Variants in PRRC2B observed in about 807,000 individuals in gnomAD.
The protein encoded by PRRC2B is proline rich coiled-coil 2B, also known as protein PRRC2B.
A neutral mutation model predicts 242.3 loss-of-function variants in PRRC2B; 68 were observed. That is an observed-to-expected ratio of 0.28 (90% CI 0.23 to 0.34). The LOEUF is 0.34. Among genes scored for constraint, PRRC2B ranks in the 10% least tolerant of loss-of-function variants. The pLI is 1.00. For missense variants in PRRC2B, 2,835 were observed against 2,954.8 expected, an observed-to-expected ratio of 0.96 and a Z score of 0.94; for synonymous variants, 1,228 against 1,173.6, an observed-to-expected ratio of 1.05 and a Z score of -0.95.
At chr9:131,409,332 A>G (rs1837448254) in intron 1 of PRRC2B, among the ~76,000 whole-genome samples, 1 of 151,794 alleles carries the variant, frequency 6.6e-6, no homozygotes, top group African/African-American at 2.4e-5. Context: ...GGTGCCTGCC[A>G]CCACGCCTGG....
At chr9:131,437,310 G>T (rs1204698256) in intron 4 of PRRC2B, among the ~76,000 whole-genome samples, 1 of 152,164 alleles carries the variant, frequency 6.6e-6, no homozygotes, top group Non-Finnish European at 1.5e-5. Flanking sequence ...CTCAGAACAC[G>T]CTTTGGGAAA....
chr9:131,391,066 T>C (rs1836895334), upstream of PRRC2B, among the ~76,000 whole-genome samples: 1 of 152,132 alleles, frequency 6.6e-6, no homozygotes, highest in South Asian at 2.1e-4. Context: ...ATTACAGGCT[T>C]GAGCCACTGT....
At chr9:131,405,722 G>C (rs1006907976) in intron 1 of PRRC2B, among the ~76,000 whole-genome samples, 4 of 152,140 alleles carry the variant, frequency 2.6e-5, no homozygotes, top group Non-Finnish European at 4.4e-5. Flanking sequence ...TGGCTCCTGG[G>C]GGGGTTATTG....
chr9:131,399,300 CTG>C (rs1837158264), intron 1 of PRRC2B, among the ~76,000 whole-genome samples: 2 of 112,612 alleles, frequency 1.8e-5, no homozygotes, highest in Admixed American at 1.9e-4. Context: ...AAAAAAAAGT[CTG>C]GGCACGGTGG....
intron 25 of PRRC2B, chr9:131,485,788 G>A (rs1391351145): frequency 4.5e-6 from 3 of 671,660 alleles, no homozygotes; most frequent in Non-Finnish European, 8.4e-6. Context: ...GCCCCTTCGA[G>A]TGTCTGGGGT....
chr9:131,495,636 G>A, intron 31 of PRRC2B, 104 bp from the exon 32 acceptor site: 4 of 1,340,512 alleles, frequency 3.0e-6, no homozygotes, highest in Middle Eastern at 3.7e-4. Context: ...ACTTAGGGGA[G>A]CTTTCCCTGC....
In PRRC2B at chr9:131,483,422, C is replaced by T. The variant is rs1435388694; in HGVS notation, c.5437C>T (p.Leu1813Phe). Residue 1813 changes from leucine to phenylalanine, a missense_variant, in exon 23 of 32, where the codon CTT (leucine) becomes TTT (phenylalanine). Coordinates refer to ENST00000683519, the MANE Select transcript of PRRC2B (RefSeq NM_013318.4). Reference sequence around the variant, plus strand: ...TCCTACTGGGAGTCCAGTTGTTAAACTTCAGGATGCCTTGGCCAGTAATGT... The same window carrying T: ...TCCTACTGGGAGTCCAGTTGTTAAATTTCAGGATGCCTTGGCCAGTAATGT... The part of the protein sequence containing the change: ...SGPTGSPVVK[L>F]QDALASNAGL... 33 of 1,613,912 alleles carry T rather than the reference C, an allele frequency of 2.0e-5. No individual in the cohort carries two copies. The East Asian group carries it at 7.4e-4, about 36-fold the overall frequency.
At chr9:131,453,893 T>A (rs997278711) in intron 9 of PRRC2B, among the ~76,000 whole-genome samples, 2 of 152,226 alleles carry the variant, frequency 1.3e-5, no homozygotes, top group Non-Finnish European at 2.9e-5. Flanking sequence ...TCATATAACA[T>A]AAAATTTACC....
chr9:131,381,201 C>T (rs955791354), intron 1 of PRRC2B, among the ~76,000 whole-genome samples: 5 of 152,082 alleles, frequency 3.3e-5, no homozygotes, highest in Admixed American at 2.6e-4. Context: ...TATTCTCAAG[C>T]GGTTGAGCAG....
intron 4 of PRRC2B, among the ~76,000 whole-genome samples, chr9:131,438,346 T>G (rs2966345): frequency 0.97 from 147,214 of 152,108 alleles, 71,394 homozygotes; most frequent in Non-Finnish European, 1. Context: ...TGAGCCTCAG[T>G]GGGGGATGTG....
chr9:131,425,036 G>C (rs1344569618), intron 1 of PRRC2B, among the ~76,000 whole-genome samples: 3 of 151,938 alleles, frequency 2.0e-5, no homozygotes, highest in Non-Finnish European at 4.4e-5. Flanking sequence ...GCGCAATCTT[G>C]GCTCACTGCA....
At chr9:131,404,966 G>A (rs1837326401) in intron 1 of PRRC2B, among the ~76,000 whole-genome samples, 1 of 152,140 alleles carries the variant, frequency 6.6e-6, no homozygotes, top group African/African-American at 2.4e-5. Flanking sequence ...ATAGCTTTTT[G>A]GTAAGAATTC....
intron 11 of PRRC2B, among the ~76,000 whole-genome samples, chr9:131,463,936 A>G (rs1441830823): frequency 6.9e-6 from 1 of 145,562 alleles, no homozygotes; most frequent in Non-Finnish European, 1.5e-5. Context: ...CCTTTGCTAG[A>G]CATGCTTTTT....
At position 131,494,834 on chromosome 9, in the gene PRRC2B, G is replaced by A. The variant is rs770813266; in HGVS notation, c.6555+348G>A. Among the ~76,000 whole-genome samples the A allele has an allele frequency of 2.6e-5, 4 of 152,168 alleles. No homozygotes were observed. The highest frequency in any genetic ancestry group is 2.1e-4 in the South Asian group (1 of 4,822). On this transcript the variant is annotated intron_variant, in intron 31 of 31. Coordinates refer to ENST00000683519, the MANE Select transcript of PRRC2B (RefSeq NM_013318.4). This position sits in a 1 kb window ranked among gnomAD's most constrained non-coding sequence, Gnocchi z 4.3. Reference sequence around the variant, plus strand: ...GTCGGCTTTAGGAGCCGGGGTGCGCGCGCTGGTTCTAGTCAGTGGTGTGTC... The same window carrying A: ...GTCGGCTTTAGGAGCCGGGGTGCGCACGCTGGTTCTAGTCAGTGGTGTGTC...
intron 3 of PRRC2B, among the ~76,000 whole-genome samples, chr9:131,433,365 C>T (rs1564282604): frequency 6.6e-6 from 1 of 152,244 alleles, no homozygotes; most frequent in Non-Finnish European, 1.5e-5. Context: ...GGCTCACCTC[C>T]TGCCAGCACA....
intron 25 of PRRC2B, 97 bp downstream of exon 25, chr9:131,485,237 T>A: frequency 9.6e-7 from 1 of 1,043,426 alleles, no homozygotes; most frequent in Non-Finnish European, 1.4e-6. Flanking sequence ...GGCCTTGTCT[T>A]AAGTAGCATG....
At chr9:131,440,099 A>G (rs775884798) in intron 5 of PRRC2B, among the ~76,000 whole-genome samples, 64 of 152,008 alleles carry the variant, frequency 4.2e-4, no homozygotes, top group Admixed American at 2.2e-3. Flanking sequence ...TTGCGACGAG[A>G]TCTCACTATG....
chr9:131,393,423 A>C (rs185285783), upstream of PRRC2B, among the ~76,000 whole-genome samples: 1 of 152,312 alleles, frequency 6.6e-6, no homozygotes, highest in African/African-American at 2.4e-5. Context: ...ACAGGAGTGC[A>C]GTCTCCCGGA....
Position 131,474,837 on chromosome 9 carries a change from A to C in PRRC2B, c.2708A>C (p.Asp903Ala). The part of the protein sequence containing the change: ...EGTAFNISSW[D>A]KNGSPNKQPS... ...ACGGCCTTTAACATCTCCTCCTGGG[A>C]CAAGAACGGGAGCCCCAACAAACAG... Residue 903 changes from aspartate to alanine, a missense_variant, in exon 16 of 32, where the codon GAC (aspartate) becomes GCC (alanine). By Grantham distance (126) the Asp-to-Ala change is moderately radical. Transcript: ENST00000683519. 1 of 1,611,024 alleles carries C rather than the reference A, an allele frequency of 6.2e-7. No homozygotes were observed. Among genetic ancestry groups the C allele is most frequent in the Non-Finnish European group, 8.5e-7 (1 of 1,179,134 alleles).
Sources: gnomAD v4.1 joint callset for allele counts (sites outside exome capture counted in the v4.1 genomes callset) on GRCh38, gnomAD v4.1.1 for gene constraint, Gnocchi (gnomAD v3.1) non-coding constraint, MANE v1.5 for transcripts, NCBI Gene and HGNC (gene_info 2026-07-23, HGNC 2026-07-21) for gene names.